RELN: variants seen among roughly 807,000 people sequenced by gnomAD.
RELN encodes the protein reelin.
Under a neutral mutation model 427.6 loss-of-function variants are expected in RELN, and 108 were observed. The ratio of observed to expected loss-of-function variants is 0.25; its 90% CI spans 0.22 to 0.30. RELN has a LOEUF of 0.30. Ranked by LOEUF, RELN falls within the 10% of genes least tolerant of loss-of-function variation. The pLI, the probability that RELN is intolerant of heterozygous loss-of-function variation, is 1.00. For missense variants in RELN, 3,715 were observed against 4,302.8 expected, an observed-to-expected ratio of 0.86 and a Z score of 3.82; for synonymous variants, 1,524 against 1,513.4, an observed-to-expected ratio of 1.01 and a Z score of -0.16.
intron 3 of RELN, among the ~76,000 whole-genome samples, chr7:103,810,678 CA>C (rs1459491835): frequency 1.3e-5 from 2 of 151,924 alleles, no homozygotes; most frequent in Admixed American, 6.6e-5. Context: ...AAAACAAAAA[CA>C]AAAAACCTTG....
chr7:103,792,129 T>C (rs1191890851), intron 3 of RELN, among the ~76,000 whole-genome samples: 2 of 152,154 alleles, frequency 1.3e-5, no homozygotes, highest in Non-Finnish European at 2.9e-5. Context: ...ATAAAAATGG[T>C]ATAGCCACTT....
intron 28 of RELN, among the ~76,000 whole-genome samples, chr7:103,584,994 TA>T (rs549478221): frequency 6.7e-6 from 1 of 149,246 alleles, no homozygotes; most frequent in Non-Finnish European, 1.5e-5. Context: ...AAGGCAGAAA[TA>T]AAAAAAAAAT....
chr7:103,670,559 T>C (rs1405667077), intron 11 of RELN, among the ~76,000 whole-genome samples: 1 of 151,940 alleles, frequency 6.6e-6, no homozygotes, highest in Non-Finnish European at 1.5e-5. Context: ...GGTATCATCA[T>C]AGAAAAATTT....
intron 2 of RELN, among the ~76,000 whole-genome samples, chr7:103,914,472 C>G (rs1795439068): frequency 6.6e-6 from 1 of 151,820 alleles, no homozygotes; most frequent in Non-Finnish European, 1.5e-5. Context: ...TTTTTTGCTC[C>G]CCCTATAGGA....
chr7:103,484,645 A>G (rs1281621680), intron 61 of RELN: 2 of 152,042 alleles, frequency 1.3e-5, no homozygotes, highest in Non-Finnish European at 2.9e-5. Flanking sequence ...TTTTCTACAC[A>G]AAGTATTTTC....
Position 103,593,703 on chromosome 7 carries a change from A to T in RELN, c.3891T>A (p.Pro1297=), listed in dbSNP as rs145600583. Residue 1297 remains proline (P), a synonymous_variant, in exon 27 of 65, where the codon CCT becomes CCA. Transcript: ENST00000428762. The part of the protein sequence containing the change: ...FAVTRDLTLK[P]GYVLQFKLNI... ...ATACCTTGAACTGTAGCACATATCC[A>T]GGTTTCAGGGTCAAATCTCGAGTTA... The T allele has an allele frequency of 2.5e-5, 41 of 1,613,934 alleles. No homozygotes were observed. In the African/African-American group the frequency reaches 5.2e-4, roughly 20 times the overall value.
chr7:103,706,655 A>G (rs1040067565), intron 8 of RELN, among the ~76,000 whole-genome samples: 1 of 151,656 alleles, frequency 6.6e-6, no homozygotes, highest in Non-Finnish European at 1.5e-5. Flanking sequence ...TTTTTTTTCA[A>G]TAGTGCTACA....
intron 1 of RELN, among the ~76,000 whole-genome samples, chr7:103,926,649 T>G (rs1313631085): frequency 2.8e-5 from 2 of 70,716 alleles, no homozygotes; most frequent in Non-Finnish European, 5.4e-5. Flanking sequence ...TTTTTTTTTT[T>G]TTTTTTTTTT....
rs368384716 is a variant in RELN at position 103,498,955 on chromosome 7, A to T, written c.8668-703T>A. On this transcript the variant is annotated intron_variant, in intron 53 of 64. Coordinates refer to ENST00000428762, the MANE Select transcript of RELN (RefSeq NM_005045.4). ...GAAAGCAATAAGATAAAATATAAAC[A>T]TGCAATCCAGCACTTTCCCCCTGAC... 5.9e-5 allele frequency among the ~76,000 whole-genome samples: 9 copies of T among 152,126 alleles called. No individual in the cohort carries two copies. In the East Asian group the frequency reaches 1.5e-3, roughly 26 times the overall value.
intron 10 of RELN, among the ~76,000 whole-genome samples, chr7:103,695,798 G>A (rs1307752784): frequency 2.6e-5 from 4 of 152,132 alleles, no homozygotes; most frequent in African/African-American, 9.6e-5. Flanking sequence ...GTGGTAGTGG[G>A]ATATGACATA....
chr7:103,917,689 C>T (rs978644486), intron 1 of RELN, among the ~76,000 whole-genome samples: 5 of 151,770 alleles, frequency 3.3e-5, no homozygotes, highest in African/African-American at 9.7e-5. Context: ...CAACAAAAGC[C>T]GACTAATTTG....
chr7:103,890,308 G>A (rs1794819259), intron 2 of RELN, among the ~76,000 whole-genome samples: 1 of 151,878 alleles, frequency 6.6e-6, no homozygotes, highest in Admixed American at 6.6e-5. Flanking sequence ...TTGTCATTGG[G>A]ATTCACACTA....
chr7:103,477,278 G>A (rs1350179744), intron 64 of RELN, among the ~76,000 whole-genome samples: 1 of 152,122 alleles, frequency 6.6e-6, no homozygotes, highest in Admixed American at 6.6e-5. Context: ...CACAATCTTA[G>A]TTCATTTATT....
intron 26 of RELN, 131 bp downstream of exon 26, chr7:103,594,190 A>C: frequency 2.0e-6 from 2 of 986,708 alleles, no homozygotes; most frequent in East Asian, 4.8e-5. Flanking sequence ...GGTAACAAAA[A>C]ATTAAGTACA....
At chr7:103,610,930 G>T (rs1831939100) in intron 21 of RELN, 123 bp from the exon 22 acceptor site, 1 of 705,318 alleles carries the variant, frequency 1.4e-6, no homozygotes, top group African/African-American at 1.8e-5. Flanking sequence ...TTAACTATTT[G>T]TGATATGGAA....
At chr7:103,632,949 T>G (rs1187085323) in intron 19 of RELN, among the ~76,000 whole-genome samples, 1 of 152,058 alleles carries the variant, frequency 6.6e-6, no homozygotes, top group South Asian at 2.1e-4. Flanking sequence ...AGCCCTATAA[T>G]TAAGAAGAAA....
At chr7:103,872,332 C>A (rs373797706) in intron 2 of RELN, among the ~76,000 whole-genome samples, 2 of 137,384 alleles carry the variant, frequency 1.5e-5, no homozygotes, top group African/African-American at 5.1e-5. Flanking sequence ...TTTGTTCTTG[C>A]GATAGTTTAC....
intron 10 of RELN, among the ~76,000 whole-genome samples, chr7:103,690,407 C>G (rs1356489604): frequency 6.6e-6 from 1 of 152,056 alleles, no homozygotes; most frequent in African/African-American, 2.4e-5. Flanking sequence ...AAGAATGTGC[C>G]TTTCGTTCTT....
chr7:103,491,876 A>T lies in RELN; in HGVS notation c.9443+77T>A, dbSNP rs879761256. The T allele has an allele frequency of 5.7e-4, 416 of 734,860 alleles. No homozygotes were observed. Among genetic ancestry groups the T allele is most frequent in the East Asian group, 1.7e-3 (50 of 30,202 alleles). The allele number at this position is 734,860 out of a possible 1,614,324, so 45.5% of individuals were successfully genotyped here. A position where few individuals can be genotyped will look rare whatever the true frequency, so the allele number is the denominator to read the frequency against. ...CTCTCTCACACACACACACACACAC[A>T]CACACACACACACACACACAACGAT... On this transcript the variant is annotated intron_variant, in intron 58 of 64. Coordinates refer to ENST00000428762, the MANE Select transcript of RELN (RefSeq NM_005045.4).
Sources: allele counts gnomAD v4.1 joint callset (sites outside exome capture counted in the v4.1 genomes callset), GRCh38; gene constraint gnomAD v4.1.1; transcripts MANE v1.5; gene names NCBI Gene and HGNC (gene_info 2026-07-23, HGNC 2026-07-21).